CDH6: variants seen among roughly 807,000 people sequenced by gnomAD.
CDH6 encodes the protein cadherin 6, also known as cadherin-6.
Under a neutral mutation model 78.0 loss-of-function variants are expected in CDH6, and 31 were observed. That is an observed-to-expected ratio of 0.40 (90% CI 0.30 to 0.54). CDH6 has a LOEUF of 0.54. Ranked by LOEUF, CDH6 falls within the 20% of genes least tolerant of loss-of-function variation. The probability of loss-of-function intolerance (pLI) is 0.56; values close to 1 mark genes in which losing one functional copy is unlikely to be tolerated. For synonymous variants in CDH6, 376 were observed against 368.8 expected (o/e 1.02, Z -0.23); for missense variants, 724 against 975.9 (o/e 0.74, Z 3.44).
chr5:31,217,487 C>T (rs1352418193), intron 1 of CDH6, among the ~76,000 whole-genome samples: 2 of 152,090 alleles, frequency 1.3e-5, no homozygotes, highest in Non-Finnish European at 2.9e-5. Flanking sequence ...AAACCTGGAC[C>T]TATATTATTT....
rs141753987 is a variant in CDH6 at position 31,306,639 on chromosome 5, T to C, written c.1253+1212T>C. Among the ~76,000 whole-genome samples the C allele has an allele frequency of 4.1e-4, 63 of 152,248 alleles. No individual in the cohort carries two copies. In the East Asian group the frequency reaches 0.011, roughly 27 times the overall value. The stretch of plus-strand genomic sequence containing the variant: ...AAACAAAGTAAGCAGACTGAAAAAC[T>C]AGAGAAACTCTTGCCAATGAGTTCA... On this transcript the variant is annotated intron_variant, in intron 7 of 11. Transcript: ENST00000265071.
chr5:31,213,091 A>C (rs1483727496), intron 1 of CDH6, among the ~76,000 whole-genome samples: 2 of 152,202 alleles, frequency 1.3e-5, no homozygotes, highest in African/African-American at 2.4e-5. Flanking sequence ...TTCTCAAAAA[A>C]TATGTGGTAG....
intron 4 of CDH6, 126 bp from the exon 5 acceptor site, chr5:31,299,338 G>A (rs2962800): frequency 0.97 from 640,204 of 657,686 alleles, 312,529 homozygotes; most frequent in East Asian, 1. Context: ...TTATTTTTAT[G>A]TCACCATGAC....
At chr5:31,211,421 A>C (rs1303701498) in intron 1 of CDH6, among the ~76,000 whole-genome samples, 3 of 152,180 alleles carry the variant, frequency 2.0e-5, no homozygotes, top group Admixed American at 6.5e-5. Context: ...GTTCTTCAAA[A>C]ATAGAATCAC....
intron 2 of CDH6, among the ~76,000 whole-genome samples, chr5:31,291,411 G>T (rs1419467124): frequency 3.3e-5 from 5 of 152,148 alleles, no homozygotes; most frequent in Non-Finnish European, 7.3e-5. Context: ...TGCTTTTGTT[G>T]CATGTTTACA....
intron 9 of CDH6, 75 bp downstream of exon 9, chr5:31,316,404 C>G: frequency 1.5e-6 from 2 of 1,321,214 alleles, no homozygotes; most frequent in Non-Finnish European, 2.1e-6. Flanking sequence ...AGATGATTCA[C>G]AGAGCTGAAG....
intron 6 of CDH6, among the ~76,000 whole-genome samples, chr5:31,303,998 T>G (rs928814740): frequency 2.0e-5 from 3 of 152,188 alleles, no homozygotes; most frequent in African/African-American, 7.2e-5. Context: ...CTTGTCATAT[T>G]ATCATCTAAA....
intron 1 of CDH6, among the ~76,000 whole-genome samples, chr5:31,221,174 C>T (rs78825299): frequency 0.014 from 2,143 of 152,280 alleles, 62 homozygotes; most frequent in African/African-American, 0.05. Context: ...TCAACAGCAG[C>T]GACTCAGTCT....
intron 1 of CDH6, among the ~76,000 whole-genome samples, chr5:31,199,241 A>G (rs183908778): frequency 6.6e-6 from 1 of 151,792 alleles, no homozygotes; most frequent in African/African-American, 2.4e-5. Context: ...ACACACACAC[A>G]TATGTGTATA....
intron 1 of CDH6, among the ~76,000 whole-genome samples, chr5:31,207,612 T>C (rs1244274279): frequency 6.6e-6 from 1 of 152,242 alleles, no homozygotes; most frequent in Non-Finnish European, 1.5e-5. Context: ...ACAAAGCCAC[T>C]GAGTCTTCCT....
At chr5:31,246,803 T>G (rs943809224) in intron 1 of CDH6, among the ~76,000 whole-genome samples, 1 of 152,100 alleles carries the variant, frequency 6.6e-6, no homozygotes, top group African/African-American at 2.4e-5. Flanking sequence ...CCACCCAGGC[T>G]GGAGTGCAAT....
At chr5:31,200,567 T>TACACACACACAC (rs10533381) in intron 1 of CDH6, among the ~76,000 whole-genome samples, 6 of 144,474 alleles carry the variant, frequency 4.2e-5, no homozygotes, top group African/African-American at 1.5e-4. Flanking sequence ...CACACATACA[T>TACACACACACAC]ACACACACAC....
rs139546445 is a variant in CDH6 at position 31,300,945 on chromosome 5, A to G, written c.812-1166A>G. 3.0e-3 allele frequency among the ~76,000 whole-genome samples: 464 copies of G among 152,284 alleles called. 3 individuals carry two copies. The highest frequency in any genetic ancestry group is 5.3e-3 in the Admixed American group (81 of 15,302). On this transcript the variant is annotated intron_variant, in intron 5 of 11. Transcript: ENST00000265071. ...AGAGCAGCCGAGGCAACATAGTGAG[A>G]CCCTGTGTCTACAACAAGTAAAAAG...
intron 1 of CDH6, among the ~76,000 whole-genome samples, chr5:31,206,058 C>T (rs565691583): frequency 2.4e-4 from 37 of 152,106 alleles, no homozygotes; most frequent in African/African-American, 8.9e-4. Context: ...CCTTGAGAAC[C>T]CACATTGTTT....
chr5:31,227,051 C>T (rs919258629), intron 1 of CDH6, among the ~76,000 whole-genome samples: 2 of 152,154 alleles, frequency 1.3e-5, no homozygotes, highest in Non-Finnish European at 2.9e-5. Flanking sequence ...CACCACACAT[C>T]GGGTTACAGC....
At chr5:31,286,230 CT>C (rs1458241749) in intron 2 of CDH6, among the ~76,000 whole-genome samples, 2 of 152,200 alleles carry the variant, frequency 1.3e-5, no homozygotes, top group East Asian at 3.9e-4. Context: ...TGGTGCCTTC[CT>C]TTATGAACCT....
chr5:31,304,329 T>A (rs1737914065), intron 6 of CDH6, among the ~76,000 whole-genome samples: 1 of 152,122 alleles, frequency 6.6e-6, no homozygotes, highest in Admixed American at 6.5e-5. Flanking sequence ...CCCAGATATG[T>A]TGGTTTAATG....
At chr5:31,305,471 A>C (rs750932485) in intron 7 of CDH6, 44 bp downstream of exon 7, 1 of 1,569,154 alleles carries the variant, frequency 6.4e-7, no homozygotes, top group South Asian at 1.2e-5. Flanking sequence ...AGCTTCAGTC[A>C]ATTTATATTC....
chr5:31,322,748 T>C, intron 11 of CDH6, 70 bp from the exon 12 acceptor site: 1 of 1,527,980 alleles, frequency 6.5e-7, no homozygotes, highest in Non-Finnish European at 8.8e-7. Flanking sequence ...GAGCACAGTG[T>C]TTCTTCCTGA....
Sources: gnomAD v4.1 joint callset for allele counts (sites outside exome capture counted in the v4.1 genomes callset) on GRCh38, gnomAD v4.1.1 for gene constraint, MANE v1.5 for transcripts, NCBI Gene and HGNC (gene_info 2026-07-23, HGNC 2026-07-21) for gene names.